The following TSPAN14 variants were observed in gnomAD, a reference collection of about 807,000 sequenced individuals.
The protein encoded by TSPAN14 is tetraspanin 14.
TSPAN14 carries 16 observed loss-of-function variants against 36.6 expected under a neutral mutation model. That is an observed-to-expected ratio of 0.44 (90% confidence interval 0.30 to 0.66). The LOEUF is 0.66. Among genes scored for constraint, TSPAN14 ranks in the 30% least tolerant of loss-of-function variants. The pLI is 0.12. For missense variants in TSPAN14, 231 were observed against 355.1 expected, an observed-to-expected ratio of 0.65 and a Z score of 2.81; for synonymous variants, 139 against 143.8, an observed-to-expected ratio of 0.97 and a Z score of 0.24.
chr10:80,477,358 T>A (rs1193864740), intron 1 of TSPAN14, among the ~76,000 whole-genome samples: 1 of 152,240 alleles, frequency 6.6e-6, no homozygotes, highest in South Asian at 2.1e-4. Flanking sequence ...AAAAATACTT[T>A]GAAATGTTCC....
At chr10:80,486,673 A>G (rs1182524641) in intron 1 of TSPAN14, among the ~76,000 whole-genome samples, 2 of 152,114 alleles carry the variant, frequency 1.3e-5, no homozygotes, top group Non-Finnish European at 2.9e-5. Context: ...TCTACTTTCC[A>G]GGCTCCTCTG....
intron 1 of TSPAN14, among the ~76,000 whole-genome samples, chr10:80,484,493 C>T (rs527861683): frequency 1.4e-4 from 21 of 152,060 alleles, no homozygotes; most frequent in Non-Finnish European, 2.8e-4. Context: ...AATTTTTGTA[C>T]TTTTTGTAGA....
At chr10:80,501,077 AC>A (rs1185775715) in intron 2 of TSPAN14, among the ~76,000 whole-genome samples, 1 of 151,458 alleles carries the variant, frequency 6.6e-6, no homozygotes, top group Non-Finnish European at 1.5e-5. Context: ...ATTCACAGAA[AC>A]CTATTAATAT....
chr10:80,514,561 C>T (rs1478047430), intron 7 of TSPAN14, among the ~76,000 whole-genome samples: 1 of 152,032 alleles, frequency 6.6e-6, no homozygotes, highest in East Asian at 1.9e-4. Flanking sequence ...AAGGAAGACC[C>T]CACCCCACTC....
intron 1 of TSPAN14, among the ~76,000 whole-genome samples, chr10:80,481,019 C>T (rs1047729083): frequency 6.6e-6 from 1 of 152,042 alleles, no homozygotes; most frequent in African/African-American, 2.4e-5. Flanking sequence ...GCAGGAGAAT[C>T]TCTGGAACCC....
chr10:80,522,111 G>GT (rs1841295079), exon 9 of TSPAN14: 2 of 152,166 alleles, frequency 1.3e-5, no homozygotes, highest in South Asian at 4.1e-4. Context: ...GAAGGAGGAC[G>GT]TGAGTATTCC....
intron 2 of TSPAN14, among the ~76,000 whole-genome samples, chr10:80,490,205 G>C (rs902815730): frequency 3.3e-5 from 5 of 152,168 alleles, no homozygotes; most frequent in Admixed American, 1.3e-4. Flanking sequence ...ATGGGATTTG[G>C]GGTAGAAGGG....
chr10:80,481,706 A>ACCTCCG (rs924804444), intron 1 of TSPAN14, among the ~76,000 whole-genome samples: 1 of 152,166 alleles, frequency 6.6e-6, no homozygotes, highest in African/African-American at 2.4e-5. Flanking sequence ...GCTCACCGTA[A>ACCTCCG]CCTCCGCCTC....
At chr10:80,469,543 G>A (rs999023701) in intron 1 of TSPAN14, among the ~76,000 whole-genome samples, 3 of 152,096 alleles carry the variant, frequency 2.0e-5, no homozygotes, top group African/African-American at 4.8e-5. Context: ...AGCTACCCAA[G>A]GGCTCCCCTG....
In TSPAN14 at chr10:80,500,702, A is replaced by T. The variant is rs544924865; in HGVS notation, c.82-4026A>T. Among the ~76,000 whole-genome samples the T allele has an allele frequency of 5.6e-4, 85 of 152,270 alleles. No individual in the cohort carries two copies. In the South Asian group the frequency reaches 0.017, roughly 30 times the overall value. On this transcript the variant is annotated intron_variant, in intron 2 of 8. Transcript: ENST00000429989. ...AAGAGAACTGCACGCAGTGGTGGGG[A>T]GCTGGCTTCCCCAGTAAACACAGAG...
At chr10:80,454,912 C>T (rs1386396918) in intron 1 of TSPAN14, among the ~76,000 whole-genome samples, 2 of 152,194 alleles carry the variant, frequency 1.3e-5, no homozygotes, top group African/African-American at 4.8e-5. Context: ...TGTGCTCAGT[C>T]TCCCACGCCG....
At chr10:80,489,589 A>G (rs1847812561) in intron 2 of TSPAN14, among the ~76,000 whole-genome samples, 2 of 152,216 alleles carry the variant, frequency 1.3e-5, no homozygotes, top group Admixed American at 6.5e-5. Flanking sequence ...TGTCTCCCCT[A>G]CCTGCCCCCT....
intron 1 of TSPAN14, among the ~76,000 whole-genome samples, chr10:80,465,191 G>A (rs1045697393): frequency 6.6e-6 from 1 of 152,002 alleles, no homozygotes; most frequent in East Asian, 1.9e-4. Flanking sequence ...GAGTCTTCCC[G>A]GCCCAGCTGT....
At chr10:80,468,174 C>G (rs538472942) in intron 1 of TSPAN14, among the ~76,000 whole-genome samples, 6 of 152,186 alleles carry the variant, frequency 3.9e-5, no homozygotes, top group African/African-American at 1.4e-4. Flanking sequence ...ATCCTCTGGG[C>G]CCGCCCACCC....
intron 2 of TSPAN14, among the ~76,000 whole-genome samples, chr10:80,490,527 C>T (rs1847870012): frequency 6.6e-6 from 1 of 152,048 alleles, no homozygotes; most frequent in African/African-American, 2.4e-5. Flanking sequence ...AACCATGGTG[C>T]AGGGAGGTGA....
At chr10:80,508,413 C>T (rs58429779) in intron 4 of TSPAN14, among the ~76,000 whole-genome samples, 2,649 of 152,244 alleles carry the variant, frequency 0.017, 103 homozygotes, top group East Asian at 0.13. Flanking sequence ...CCACCGCGCC[C>T]GGCCGTGTGT....
intron 1 of TSPAN14, among the ~76,000 whole-genome samples, chr10:80,470,126 C>T (rs1005635672): frequency 6.6e-6 from 1 of 152,092 alleles, no homozygotes; most frequent in Non-Finnish European, 1.5e-5. Context: ...TGCTCTGTTG[C>T]CCAGGCTGGA....
At position 80,511,722 on chromosome 10, in the gene TSPAN14, C is replaced by CTT. The variant is rs1188190014; in HGVS notation, c.451-421_451-420insTT. Among the ~76,000 whole-genome samples, 24 of 52,356 alleles carry CTT rather than the reference C, an allele frequency of 4.6e-4. 1 individual carries two copies. The East Asian group carries it at 7.0e-3, about 15-fold the overall frequency. The allele number at this position is 52,356 out of a possible 152,430, so 34.3% of individuals were successfully genotyped here. On this transcript the variant is annotated intron_variant, in intron 5 of 8. Transcript: ENST00000429989. ...TCAAAAGGGCAGGTCCTCTCTCTCT[C>CTT]TCTCTCTCTCTCTCTCTCTCTCTCT...
At chr10:80,513,079 G>A (rs1028815275) in intron 6 of TSPAN14, among the ~76,000 whole-genome samples, 3 of 152,116 alleles carry the variant, frequency 2.0e-5, no homozygotes, top group Admixed American at 6.5e-5. Context: ...TGTATTTTTT[G>A]TAGAGATGGG....
Sources: allele counts gnomAD v4.1 joint callset (sites outside exome capture counted in the v4.1 genomes callset), GRCh38; gene constraint gnomAD v4.1.1; transcripts MANE v1.5; gene names NCBI Gene and HGNC (gene_info 2026-07-23, HGNC 2026-07-21).